Variants in AUTS2 observed in about 807,000 individuals in gnomAD.
AUTS2 encodes the protein activator of transcription and developmental regulator AUTS2.
In AUTS2, 17 loss-of-function variants were observed where a neutral mutation model predicts 112.4. The ratio of observed to expected loss-of-function variants is 0.15; its 90% confidence interval spans 0.10 to 0.23. The LOEUF is 0.23. Ranked by LOEUF, AUTS2 falls within the 10% of genes least tolerant of loss-of-function variation. The pLI, the probability that AUTS2 is intolerant of heterozygous loss-of-function variation, is 1.00. For missense variants in AUTS2, 1,510 were observed against 1,701.6 expected (o/e 0.89, Z 1.98); for synonymous variants, 751 against 702.7 (o/e 1.07, Z -1.09).
intron 1 of AUTS2, among the ~76,000 whole-genome samples, chr7:69,732,983 A>G (rs1296094986): frequency 6.6e-6 from 1 of 152,128 alleles, no homozygotes; most frequent in East Asian, 1.9e-4. Context: ...TTTAATTTCT[A>G]CTTAAGGGTG....
chr7:70,587,311 A>C (rs531669169), intron 5 of AUTS2, among the ~76,000 whole-genome samples: 2 of 152,320 alleles, frequency 1.3e-5, no homozygotes, highest in South Asian at 2.1e-4. Flanking sequence ...CCTTGGGCTC[A>C]GGAGATTCTC....
intron 1 of AUTS2, among the ~76,000 whole-genome samples, chr7:69,889,125 C>G (rs1307515438): frequency 6.6e-6 from 1 of 152,104 alleles, no homozygotes; most frequent in African/African-American, 2.4e-5. Flanking sequence ...TTCTCAAACT[C>G]CTGGGCTCAA....
chr7:69,797,151 T>TG (rs1789881572), intron 1 of AUTS2, among the ~76,000 whole-genome samples: 1 of 152,194 alleles, frequency 6.6e-6, no homozygotes, highest in African/African-American at 2.4e-5. Flanking sequence ...TGTAACCTCT[T>TG]GGGGAAGATA....
intron 1 of AUTS2, among the ~76,000 whole-genome samples, chr7:69,781,756 G>C (rs923958955): frequency 3.3e-5 from 5 of 152,048 alleles, no homozygotes; most frequent in Admixed American, 2.6e-4. Flanking sequence ...CTTCCCACTT[G>C]TTGCAAAGGC....
chr7:70,171,783 T>C (rs982694951), intron 4 of AUTS2, among the ~76,000 whole-genome samples: 1 of 152,180 alleles, frequency 6.6e-6, no homozygotes, highest in Non-Finnish European at 1.5e-5. Context: ...AAGAAATGAA[T>C]TTTTGTCAGC....
chr7:70,366,189 T>C (rs1371639874), intron 4 of AUTS2, among the ~76,000 whole-genome samples: 1 of 152,238 alleles, frequency 6.6e-6, no homozygotes, highest in Admixed American at 6.5e-5. Context: ...CTGAGTCTTT[T>C]CCCTGTGACC....
rs1258122802 is a variant in AUTS2, at chr7:70,787,269, A to C, written c.2369A>C (p.His790Pro). 5 of 1,614,052 alleles carry C rather than the reference A, an allele frequency of 3.1e-6. No homozygotes were observed. In the Admixed American group the frequency reaches 8.3e-5, roughly 27 times the overall value. ...AGTGTGCAGAACTTTAGCAACCCTC[A>C]CGAACCCTGGAACCGGCTGCACCGA... ...GPSVQNFSNP[H>P]EPWNRLHRTP... Residue 790 changes from histidine (H) to proline (P), a missense_variant, in exon 18 of 19, where the codon CAC becomes CCC. Physicochemically the swap from His to Pro is moderately conservative, Grantham distance 77. Around this residue, in one of 3 missense-constraint regions of AUTS2, gnomAD observed 788 missense variants for 797.6 expected, o/e 0.99. Transcript: ENST00000342771.
intron 1 of AUTS2, among the ~76,000 whole-genome samples, chr7:69,839,094 C>T (rs1029647444): frequency 5.3e-5 from 8 of 152,238 alleles, no homozygotes; most frequent in South Asian, 2.1e-4. Context: ...TAATCAGAAT[C>T]GGGTATGTGT....
chr7:70,486,459 A>G (rs776580137), intron 5 of AUTS2, among the ~76,000 whole-genome samples: 1 of 152,226 alleles, frequency 6.6e-6, no homozygotes, highest in African/African-American at 2.4e-5. Context: ...TTGTTTGGCC[A>G]GGCACGGTGG....
At chr7:69,958,849 G>T (rs1245008333) in intron 2 of AUTS2, among the ~76,000 whole-genome samples, 1 of 152,126 alleles carries the variant, frequency 6.6e-6, no homozygotes, top group Non-Finnish European at 1.5e-5. Flanking sequence ...GATTGTTTTT[G>T]TGGTTGCCTG....
At chr7:70,404,636 T>G (rs762872912) in intron 4 of AUTS2, among the ~76,000 whole-genome samples, 1 of 152,150 alleles carries the variant, frequency 6.6e-6, no homozygotes, top group Non-Finnish European at 1.5e-5. Flanking sequence ...CACTACCTTT[T>G]AATGTGAAGA....
rs761979188 is a variant in AUTS2 at position 70,763,216 on chromosome 7, G to T, written c.1089G>T (p.Arg363Ser). 3.7e-6 allele frequency: 6 copies of T among 1,614,052 alleles called. No homozygotes were observed. The Admixed American group carries it at 1.0e-4, about 27-fold the overall frequency. Residue 363 changes from arginine (R) to serine (S), a missense_variant, in exon 7 of 19, where the codon AGG becomes AGT. By Grantham distance (110) the Arg-to-Ser change is moderately radical. Transcript: ENST00000342771. Reference protein sequence around the residue: ...APQPQVQRPPRPQSPTQLLHQ... With the variant: ...APQPQVQRPPSPQSPTQLLHQ... Reference sequence around the variant, plus strand: ...AGCCTCAGGTGCAGAGGCCACCCAGGCCACAGTCCCCCACCCAGCTGCTCC... The same window carrying T: ...AGCCTCAGGTGCAGAGGCCACCCAGTCCACAGTCCCCCACCCAGCTGCTCC...
chr7:70,170,964 A>G (rs1469300974), intron 4 of AUTS2, among the ~76,000 whole-genome samples: 2 of 152,160 alleles, frequency 1.3e-5, no homozygotes, highest in African/African-American at 4.8e-5. Context: ...GAATAGATCT[A>G]AATGACTGGG....
chr7:70,238,103 A>G (rs745641786), intron 4 of AUTS2, among the ~76,000 whole-genome samples: 17 of 152,228 alleles, frequency 1.1e-4, no homozygotes, highest in Non-Finnish European at 1.9e-4. Flanking sequence ...CACAAGCCCC[A>G]TCTGGTAAGA....
intron 5 of AUTS2, among the ~76,000 whole-genome samples, chr7:70,491,667 T>A (rs1585210039): frequency 6.7e-6 from 1 of 149,510 alleles, no homozygotes; most frequent in Non-Finnish European, 1.5e-5. Context: ...CAGGCTAGAG[T>A]GCAGTGGCGC....
intron 1 of AUTS2, among the ~76,000 whole-genome samples, chr7:69,725,078 C>A (rs1786442163): frequency 6.6e-6 from 1 of 152,118 alleles, no homozygotes; most frequent in Admixed American, 6.5e-5. Flanking sequence ...ATTCTAACTG[C>A]AGACTTAAAA....
intron 3 of AUTS2, among the ~76,000 whole-genome samples, chr7:70,130,644 G>A (rs1027596636): frequency 7.9e-5 from 12 of 151,942 alleles, no homozygotes; most frequent in African/African-American, 2.9e-4. Flanking sequence ...TGAGATGGAG[G>A]TGGGTAGTTT....
At chr7:69,818,574 T>C (rs1790858101) in intron 1 of AUTS2, among the ~76,000 whole-genome samples, 1 of 152,194 alleles carries the variant, frequency 6.6e-6, no homozygotes, top group Admixed American at 6.5e-5. Context: ...TATGCAATAA[T>C]GGTTTGGAGG....
chr7:70,114,799 C>T (rs1358271087), intron 2 of AUTS2, among the ~76,000 whole-genome samples: 1 of 150,232 alleles, frequency 6.7e-6, no homozygotes, highest in Non-Finnish European at 1.5e-5. Flanking sequence ...AAAACTCCGT[C>T]TCAGAAAAAA....
Sources: gnomAD v4.1 joint callset for allele counts (sites outside exome capture counted in the v4.1 genomes callset) on GRCh38, gnomAD v4.1.1 for gene constraint, gnomAD v4.1.1 regional missense constraint, MANE v1.5 for transcripts, NCBI Gene and HGNC (gene_info 2026-07-23, HGNC 2026-07-21) for gene names.